NAV1: variants seen among roughly 807,000 people sequenced by gnomAD.
NAV1 encodes the protein pore membrane and/or filament interacting like protein 3.
Under a neutral mutation model 175.2 loss-of-function variants are expected in NAV1, and 18 were observed. That is an observed-to-expected ratio of 0.10 (90% CI 0.07 to 0.15). The LOEUF (loss-of-function observed/expected upper bound fraction) is 0.15, where lower values mean the gene tolerates loss of function less well. Ranked by LOEUF, NAV1 falls within the 10% of genes least tolerant of loss-of-function variation. The probability of loss-of-function intolerance (pLI) is 1.00; values close to 1 mark genes in which losing one functional copy is unlikely to be tolerated. For missense variants in NAV1, 1,731 were observed against 2,436.6 expected, an observed-to-expected ratio of 0.71 and a Z score of 6.10; for synonymous variants, 897 against 978.7, an observed-to-expected ratio of 0.92 and a Z score of 1.56.
intron 3 of NAV1, among the ~76,000 whole-genome samples, chr1:201,758,591 A>T (rs894488139): frequency 6.6e-6 from 1 of 152,230 alleles, no homozygotes; most frequent in Non-Finnish European, 1.5e-5. Flanking sequence ...GCAAGGTAGA[A>T]GTGACGGAGC....
At chr1:201,671,391 C>A (rs1448702215) in intron 1 of NAV1, among the ~76,000 whole-genome samples, 1 of 151,896 alleles carries the variant, frequency 6.6e-6, no homozygotes, top group East Asian at 1.9e-4. Context: ...CTTCCTGCCC[C>A]ACCCCACCTA....
intron 1 of NAV1, among the ~76,000 whole-genome samples, chr1:201,580,437 G>A (rs1439795842): frequency 1.3e-5 from 2 of 152,170 alleles, no homozygotes; most frequent in South Asian, 4.1e-4. Context: ...AGAGTTCAAA[G>A]CCTAGCAAAC....
chr1:201,760,232 C>T (rs1442699316), intron 3 of NAV1, among the ~76,000 whole-genome samples: 1 of 152,122 alleles, frequency 6.6e-6, no homozygotes, highest in Admixed American at 6.5e-5. Context: ...TTGGGAGGCC[C>T]AGGCGGGTGG....
intron 2 of NAV1, among the ~76,000 whole-genome samples, chr1:201,615,289 G>C (rs1558020006): frequency 6.8e-6 from 1 of 147,028 alleles, no homozygotes; most frequent in Non-Finnish European, 1.5e-5. Context: ...GTTTGAGATG[G>C]AGTCTCACTC....
chr1:201,801,532 G>T (rs1008824371), intron 15 of NAV1, among the ~76,000 whole-genome samples: 1 of 151,976 alleles, frequency 6.6e-6, no homozygotes. Context: ...TGTTGCCCAG[G>T]CTGGTCTCAA....
At chr1:201,674,991 G>A (rs1670188849) in intron 1 of NAV1, among the ~76,000 whole-genome samples, 1 of 148,956 alleles carries the variant, frequency 6.7e-6, no homozygotes, top group South Asian at 2.1e-4. Flanking sequence ...AGTGAGCGGA[G>A]ATCGCGTCAC....
chr1:201,648,726 G>T (rs1237936043), exon 1 of NAV1: 1 of 1,414,144 alleles, frequency 7.1e-7, no homozygotes, highest in Admixed American at 2.9e-5. Context: ...CAGCGGCGGC[G>T]GCGACGAGGG....
At chr1:201,628,675 G>C (rs1668406108) in intron 1 of NAV1, among the ~76,000 whole-genome samples, 2 of 152,128 alleles carry the variant, frequency 1.3e-5, no homozygotes, top group African/African-American at 4.8e-5. Flanking sequence ...CGGATGGGTG[G>C]GCGGGCCAGC....
At chr1:201,588,518 A>T (rs1196353901) in intron 1 of NAV1, among the ~76,000 whole-genome samples, 21 bp from the exon 2 acceptor site, 5 of 139,568 alleles carry the variant, frequency 3.6e-5, no homozygotes, top group Non-Finnish European at 3.1e-5. Flanking sequence ...CAGCTGATTA[A>T]TTTTTTTTTT....
chr1:201,738,930 T>G (rs1378304882), intron 3 of NAV1, among the ~76,000 whole-genome samples: 1 of 152,178 alleles, frequency 6.6e-6, no homozygotes, highest in Non-Finnish European at 1.5e-5. Flanking sequence ...GACCCAACCA[T>G]AGACACTTAG....
At chr1:201,568,904 T>G (rs2102168423) in intron 1 of NAV1, among the ~76,000 whole-genome samples, 1 of 152,154 alleles carries the variant, frequency 6.6e-6, no homozygotes, top group African/African-American at 2.4e-5. Context: ...TCTAGGTCAG[T>G]GGGCTTGAAT....
chr1:201,734,629 A>G (rs1673032767), intron 3 of NAV1, among the ~76,000 whole-genome samples: 1 of 152,126 alleles, frequency 6.6e-6, no homozygotes, highest in South Asian at 2.1e-4. Context: ...ACTGGAGTGC[A>G]GTGGCATGGG....
In NAV1 at chr1:201,788,529, G is replaced by A. The variant is rs748010265; in HGVS notation, c.3057G>A (p.Glu1019=). The change falls in exon 10 of 30, where the codon GAG becomes GAA. Residue 1019 remains glutamate, a synonymous_variant. Coordinates refer to ENST00000367296, the Ensembl canonical transcript of NAV1. The surrounding 1 kb of genome is among the most constrained non-coding windows in gnomAD (Gnocchi z 5.7). ...GCTCCAACAGCATCCCCACCCACGAGGCGGCCTTCGAGCTGTACAGCGGCT... is the reference window on the plus strand; with the variant it reads ...GCTCCAACAGCATCCCCACCCACGAAGCGGCCTTCGAGCTGTACAGCGGCT... 6.2e-6 allele frequency: 10 copies of A among 1,614,146 alleles called. No homozygotes were observed. In the Admixed American group the frequency reaches 8.3e-5, roughly 13 times the overall value.
chr1:201,625,153 G>A (rs1048558580), intron 1 of NAV1, among the ~76,000 whole-genome samples: 3 of 152,188 alleles, frequency 2.0e-5, no homozygotes, highest in South Asian at 2.1e-4. Context: ...AGACTGACAC[G>A]TTGCTGGGGG....
chr1:201,760,204 G>A (rs546241856), intron 3 of NAV1, among the ~76,000 whole-genome samples: 32 of 152,248 alleles, frequency 2.1e-4, no homozygotes, highest in South Asian at 6.2e-4. Context: ...GGTGGTTCAC[G>A]CCTGTAATCC....
At chr1:201,595,477 A>G (rs991185756) in intron 2 of NAV1, among the ~76,000 whole-genome samples, 42 of 152,206 alleles carry the variant, frequency 2.8e-4, no homozygotes, top group African/African-American at 9.9e-4. Context: ...TGCTTCCTGG[A>G]AGCCTCCTCC....
At chr1:201,800,706 G>A (rs1409034978) in intron 15 of NAV1, among the ~76,000 whole-genome samples, 1 of 149,550 alleles carries the variant, frequency 6.7e-6, no homozygotes, top group Non-Finnish European at 1.5e-5. Flanking sequence ...ACTGCTAATA[G>A]TTTTAATCTT....
chr1:201,651,532 G>A (rs1669204488), intron 1 of NAV1, among the ~76,000 whole-genome samples: 1 of 152,182 alleles, frequency 6.6e-6, no homozygotes, highest in Admixed American at 6.5e-5. Flanking sequence ...AACCTCGGAA[G>A]TGAGGAGAGA....
At chr1:201,806,120 G>A (rs1183504266) in intron 17 of NAV1, among the ~76,000 whole-genome samples, 1 of 151,878 alleles carries the variant, frequency 6.6e-6, no homozygotes, top group Non-Finnish European at 1.5e-5. Context: ...GAGTAGCTGG[G>A]ATTACAGGCA....
Sources: gnomAD v4.1 joint callset for allele counts (sites outside exome capture counted in the v4.1 genomes callset) on GRCh38, gnomAD v4.1.1 for gene constraint, Gnocchi (gnomAD v3.1) non-coding constraint, MANE v1.5 for transcripts, NCBI Gene and HGNC (gene_info 2026-07-23, HGNC 2026-07-21) for gene names.